Variants in TAFA2 observed in about 807,000 individuals in gnomAD.
TAFA2 encodes chemokine-like protein TAFA-2.
In TAFA2, 7 loss-of-function variants were observed where a neutral mutation model predicts 18.8. That is an observed-to-expected ratio of 0.37 (90% CI 0.21 to 0.70). The LOEUF (loss-of-function observed/expected upper bound fraction) is 0.70. Ranked by LOEUF, TAFA2 falls within the 30% of genes least tolerant of loss-of-function variation. The probability of loss-of-function intolerance (pLI) is 0.53; values close to 1 mark genes in which losing one functional copy is unlikely to be tolerated. For synonymous variants in TAFA2, 60 were observed against 54.2 expected, an observed-to-expected ratio of 1.11 and a Z score of -0.47; for missense variants, 122 against 158.1, an observed-to-expected ratio of 0.77 and a Z score of 1.23.
chr12:62,088,966 C>A (rs933139529), intron 1 of TAFA2, among the ~76,000 whole-genome samples: 2 of 152,056 alleles, frequency 1.3e-5, no homozygotes, highest in Non-Finnish European at 2.9e-5. Flanking sequence ...TACACACAAA[C>A]ACACACACAG....
At chr12:61,803,666 T>C (rs1871488343) in intron 2 of TAFA2, among the ~76,000 whole-genome samples, 1 of 151,960 alleles carries the variant, frequency 6.6e-6, no homozygotes, top group Non-Finnish European at 1.5e-5. Flanking sequence ...ATTAGATAAC[T>C]ATAGTTCATT....
intron 1 of TAFA2, among the ~76,000 whole-genome samples, chr12:61,875,034 A>G (rs1179818437): frequency 6.6e-6 from 1 of 152,194 alleles, no homozygotes; most frequent in African/African-American, 2.4e-5. Flanking sequence ...TATAAGTCAG[A>G]AAAACCAAAT....
At chr12:62,048,772 T>A (rs1277712654) in intron 1 of TAFA2, among the ~76,000 whole-genome samples, 2 of 152,106 alleles carry the variant, frequency 1.3e-5, no homozygotes, top group Non-Finnish European at 2.9e-5. Flanking sequence ...TGATTCTGCA[T>A]AACCCAAGGC....
chr12:62,228,656 G>A (rs572517326), intron 1 of TAFA2, among the ~76,000 whole-genome samples: 90 of 152,266 alleles, frequency 5.9e-4, no homozygotes, highest in African/African-American at 2.1e-3. Context: ...AACTCAGGTA[G>A]TGTGATATCT....
At chr12:62,168,629 G>A (rs184463742) in intron 1 of TAFA2, among the ~76,000 whole-genome samples, 22 of 152,242 alleles carry the variant, frequency 1.4e-4, no homozygotes, top group Middle Eastern at 3.4e-3. Context: ...AAGCCCAGGC[G>A]TTTGAGACCA....
At chr12:61,929,597 C>A (rs1465863782) in intron 1 of TAFA2, among the ~76,000 whole-genome samples, 1 of 151,650 alleles carries the variant, frequency 6.6e-6, no homozygotes, top group Non-Finnish European at 1.5e-5. Context: ...GTCGATGTGG[C>A]GATTCCTCAG....
chr12:61,741,789 T>C (rs1445871110), intron 4 of TAFA2, among the ~76,000 whole-genome samples: 1 of 152,160 alleles, frequency 6.6e-6, no homozygotes, highest in Non-Finnish European at 1.5e-5. Context: ...TCTAGCACAA[T>C]GTCTGGCACA....
intron 1 of TAFA2, among the ~76,000 whole-genome samples, chr12:62,049,113 T>C (rs188821528): frequency 4.0e-4 from 61 of 152,288 alleles, no homozygotes; most frequent in Admixed American, 1.9e-3. Flanking sequence ...CCAGTGGATA[T>C]GTCAAAGTCA....
At chr12:61,744,143 TA>T (rs1205219284) in intron 4 of TAFA2, among the ~76,000 whole-genome samples, 4 of 152,106 alleles carry the variant, frequency 2.6e-5, no homozygotes, top group Non-Finnish European at 5.9e-5. Context: ...GAGACAGAAA[TA>T]TTGCTCTCGC....
At chr12:61,942,084 C>G (rs2121423931) in intron 1 of TAFA2, among the ~76,000 whole-genome samples, 1 of 151,588 alleles carries the variant, frequency 6.6e-6, no homozygotes, top group Admixed American at 6.6e-5. Flanking sequence ...CAGTGGTTCT[C>G]CCAGCACGCA....
chr12:61,718,171 G>A (rs1430454085), intron 4 of TAFA2, among the ~76,000 whole-genome samples: 1 of 152,116 alleles, frequency 6.6e-6, no homozygotes, highest in Non-Finnish European at 1.5e-5. Context: ...GACTGGAAAT[G>A]AATCTTTTGA....
intron 2 of TAFA2, among the ~76,000 whole-genome samples, chr12:61,849,125 T>C (rs1320454648): frequency 6.6e-6 from 1 of 152,232 alleles, no homozygotes; most frequent in Non-Finnish European, 1.5e-5. Context: ...ATTACAGGCA[T>C]GAGTCACTGC....
At chr12:61,894,252 T>G (rs955639438) in intron 1 of TAFA2, among the ~76,000 whole-genome samples, 1 of 152,232 alleles carries the variant, frequency 6.6e-6, no homozygotes, top group Non-Finnish European at 1.5e-5. Flanking sequence ...TAAATAACAT[T>G]TCTCTTCACT....
intron 1 of TAFA2, among the ~76,000 whole-genome samples, chr12:62,173,355 T>C (rs1018923257): frequency 1.3e-5 from 2 of 152,068 alleles, no homozygotes; most frequent in African/African-American, 4.8e-5. Context: ...GAGGTTGTGG[T>C]GAGCCAAGAT....
At chr12:61,796,245 C>T (rs1871184583) in intron 2 of TAFA2, among the ~76,000 whole-genome samples, 1 of 152,050 alleles carries the variant, frequency 6.6e-6, no homozygotes. Context: ...CATGCACATA[C>T]ACATTTTAAC....
At chr12:61,814,294 G>C (rs529541487) in intron 2 of TAFA2, among the ~76,000 whole-genome samples, 1 of 151,430 alleles carries the variant, frequency 6.6e-6, no homozygotes, top group South Asian at 2.1e-4. Context: ...TAACTAGAGA[G>C]CTATAGTGAG....
At chr12:62,008,895 T>A (rs1880642799) in intron 1 of TAFA2, among the ~76,000 whole-genome samples, 1 of 152,104 alleles carries the variant, frequency 6.6e-6, no homozygotes, top group South Asian at 2.1e-4. Context: ...TAGAGAAAAA[T>A]CAAATGACAG....
At chr12:61,878,704 GTC>G (rs915417482) in intron 1 of TAFA2, among the ~76,000 whole-genome samples, 1 of 152,142 alleles carries the variant, frequency 6.6e-6, no homozygotes, top group Admixed American at 6.5e-5. Flanking sequence ...AACATTTAAT[GTC>G]TCTACCTCTT....
At chr12:62,118,272 A>T (rs2136875384) in intron 1 of TAFA2, among the ~76,000 whole-genome samples, 1 of 152,264 alleles carries the variant, frequency 6.6e-6, no homozygotes, top group Non-Finnish European at 1.5e-5. Flanking sequence ...GTGCAGTATT[A>T]TATTGCTAAA....
Sources: allele counts gnomAD v4.1 joint callset (sites outside exome capture counted in the v4.1 genomes callset), GRCh38; gene constraint gnomAD v4.1.1; transcripts MANE v1.5; gene names NCBI Gene and HGNC (gene_info 2026-07-23, HGNC 2026-07-21).